Variants in GRIK3 observed in about 807,000 individuals in gnomAD.
GRIK3 encodes the protein glutamate receptor ionotropic, kainate 3.
In GRIK3, 29 loss-of-function variants were observed where a neutral mutation model predicts 102.5. The ratio of observed to expected loss-of-function variants is 0.28; its 90% CI spans 0.21 to 0.39. The LOEUF is 0.39. Among genes scored for constraint, GRIK3 ranks in the 10% least tolerant of loss-of-function variants. GRIK3 has a pLI of 1.00. For missense variants in GRIK3, 908 were observed against 1,252.4 expected (o/e 0.73, Z 4.15); for synonymous variants, 511 against 504.9 (o/e 1.01, Z -0.16).
intron 1 of GRIK3, among the ~76,000 whole-genome samples, chr1:37,021,116 G>A (rs929454622): frequency 1.3e-3 from 189 of 142,166 alleles, no homozygotes; most frequent in Middle Eastern, 3.5e-3. Flanking sequence ...GTGTGTGTGT[G>A]TGTGTGTCTG....
chr1:37,010,963 G>A (rs922403308), intron 1 of GRIK3, among the ~76,000 whole-genome samples: 33 of 151,844 alleles, frequency 2.2e-4, no homozygotes, highest in Non-Finnish European at 1.0e-4. Context: ...GGATGATCTC[G>A]ATCTCCTGAC....
At chr1:36,958,251 C>A (rs1443687106) in intron 1 of GRIK3, among the ~76,000 whole-genome samples, 1 of 60,170 alleles carries the variant, frequency 1.7e-5, no homozygotes, top group African/African-American at 7.3e-5. Context: ...CTGTGTGTCC[C>A]ATGACTCTGT....
chr1:36,833,401 A>T (rs1640334158), intron 10 of GRIK3, among the ~76,000 whole-genome samples: 1 of 152,126 alleles, frequency 6.6e-6, no homozygotes, highest in Admixed American at 6.5e-5. Flanking sequence ...TTCCCACCTC[A>T]GAGAGGTCCT....
chr1:36,883,493 A>C (rs1641005784), intron 2 of GRIK3, among the ~76,000 whole-genome samples: 1 of 152,108 alleles, frequency 6.6e-6, no homozygotes, highest in Non-Finnish European at 1.5e-5. Flanking sequence ...CTAAAAGTGC[A>C]CCTCCTGCAA....
intron 7 of GRIK3, among the ~76,000 whole-genome samples, chr1:36,855,330 C>A (rs1332947295): frequency 6.6e-6 from 1 of 152,236 alleles, no homozygotes; most frequent in Non-Finnish European, 1.5e-5. Context: ...GCCCCCAGCA[C>A]CCATGCATAC....
At chr1:36,916,523 A>C (rs998700281) in intron 1 of GRIK3, among the ~76,000 whole-genome samples, 1 of 152,088 alleles carries the variant, frequency 6.6e-6, no homozygotes, top group African/African-American at 2.4e-5. Context: ...CTAGGAGAAA[A>C]ATGGTTTTGT....
chr1:36,977,717 C>G (rs1054477557), intron 1 of GRIK3, among the ~76,000 whole-genome samples: 1 of 152,068 alleles, frequency 6.6e-6, no homozygotes, highest in Non-Finnish European at 1.5e-5. Flanking sequence ...TGGGTGAATC[C>G]TGACAGATTT....
intron 1 of GRIK3, among the ~76,000 whole-genome samples, chr1:36,904,349 G>A (rs499833): frequency 0.021 from 3,259 of 152,220 alleles, 112 homozygotes; most frequent in East Asian, 0.11. Flanking sequence ...TTCTCTGAGT[G>A]GTAGGCTCAT....
chr1:36,966,222 C>T (rs1000476343), intron 1 of GRIK3, among the ~76,000 whole-genome samples: 1 of 152,214 alleles, frequency 6.6e-6, no homozygotes, highest in African/African-American at 2.4e-5. Context: ...TCTCCACAGG[C>T]CCAGTTCTGC....
chr1:36,821,530 G>A (rs1223209048), intron 11 of GRIK3, among the ~76,000 whole-genome samples: 2 of 152,238 alleles, frequency 1.3e-5, no homozygotes, highest in Non-Finnish European at 2.9e-5. Context: ...CTCTGTCGGT[G>A]GAACCAGGAG....
intron 2 of GRIK3, among the ~76,000 whole-genome samples, chr1:36,886,124 T>C (rs1266244524): frequency 6.6e-6 from 1 of 152,156 alleles, no homozygotes; most frequent in Non-Finnish European, 1.5e-5. Context: ...AAGTCACTCA[T>C]CTTTTAATTT....
At chr1:37,028,655 GGCACCGCATTCA>G (rs1477964677) in intron 1 of GRIK3, among the ~76,000 whole-genome samples, 2 of 152,156 alleles carry the variant, frequency 1.3e-5, no homozygotes, top group Non-Finnish European at 2.9e-5. Context: ...TGGGGGTAGG[GGCACCGCATTCA>G]GCCCCTTAAA....
intron 7 of GRIK3, among the ~76,000 whole-genome samples, chr1:36,856,626 G>A (rs1299822877): frequency 6.6e-6 from 1 of 152,200 alleles, no homozygotes; most frequent in African/African-American, 2.4e-5. Flanking sequence ...GGTACCACGG[G>A]GCTATTCTGG....
chr1:36,880,556 C>T lies in GRIK3; in HGVS notation c.550+78G>A, dbSNP rs1640960811. 3 of 1,424,178 alleles carry T rather than the reference C, an allele frequency of 2.1e-6. No individual in the cohort carries two copies. The Admixed American group carries it at 5.2e-5, about 24-fold the overall frequency. The allele number at this position is 1,424,178 out of a possible 1,614,324, so 88.2% of individuals were successfully genotyped here. A position where few individuals can be genotyped will look rare whatever the true frequency, so the allele number is the denominator to read the frequency against. ...CTTCCCCCAGGGCAGCTGTGCTGAA[C>T]AAACAGACAAGAGCTTGATCCTGGG... On this transcript the variant is annotated intron_variant, in intron 3 of 15. Transcript: ENST00000373091. The surrounding 1 kb of genome is among the most constrained non-coding windows in gnomAD (Gnocchi z 5.4).
intron 1 of GRIK3, among the ~76,000 whole-genome samples, chr1:36,937,898 T>A (rs908942881): frequency 1.3e-5 from 2 of 152,174 alleles, no homozygotes; most frequent in African/African-American, 2.4e-5. Flanking sequence ...CATGGAGTGG[T>A]CTCTGCTGGA....
intron 8 of GRIK3, among the ~76,000 whole-genome samples, chr1:36,852,841 C>G (rs939529906): frequency 1.3e-5 from 2 of 152,162 alleles, no homozygotes; most frequent in African/African-American, 4.8e-5. Context: ...GCTGAGCCCC[C>G]AGAATCCAGG....
chr1:36,978,760 G>A (rs951698267), intron 1 of GRIK3, among the ~76,000 whole-genome samples: 1 of 152,216 alleles, frequency 6.6e-6, no homozygotes, highest in African/African-American at 2.4e-5. Flanking sequence ...GCAGGATTCT[G>A]AGAGAGAGTA....
intron 1 of GRIK3, 76 bp downstream of exon 1, chr1:37,033,918 G>C (rs1040446961): frequency 2.6e-6 from 2 of 770,478 alleles, no homozygotes; most frequent in African/African-American, 3.6e-5. Flanking sequence ...AAATCTCTCC[G>C]GAACGCGTTG....
intron 5 of GRIK3, among the ~76,000 whole-genome samples, chr1:36,868,411 A>T (rs1376058233): frequency 1.3e-5 from 2 of 152,184 alleles, no homozygotes; most frequent in Non-Finnish European, 2.9e-5. Context: ...GCAGGTCCCC[A>T]GGTCTGAGCC....
Sources: gnomAD v4.1 joint callset for allele counts (sites outside exome capture counted in the v4.1 genomes callset) on GRCh38, gnomAD v4.1.1 for gene constraint, Gnocchi (gnomAD v3.1) non-coding constraint, MANE v1.5 for transcripts, NCBI Gene and HGNC (gene_info 2026-07-23, HGNC 2026-07-21) for gene names.